The following GANC variants were observed in gnomAD, a reference collection of about 807,000 sequenced individuals.
GANC encodes the protein neutral alpha-glucosidase C.
In GANC, 117 loss-of-function variants were observed where a neutral mutation model predicts 124.2. The observed-to-expected ratio is 0.94, with a 90% CI of 0.81 to 1.10. The LOEUF (loss-of-function observed/expected upper bound fraction) is 1.10. Ranked by LOEUF, GANC falls within the 50% of genes least tolerant of loss-of-function variation. The pLI is 0.00. For missense variants in GANC, 1,140 were observed against 1,095.0 expected, an observed-to-expected ratio of 1.04 and a Z score of -0.58; for synonymous variants, 377 against 376.8, an observed-to-expected ratio of 1.00 and a Z score of -0.01.
intron 6 of GANC, among the ~76,000 whole-genome samples, chr15:42,303,797 A>G (rs2051969468): frequency 6.6e-6 from 1 of 152,232 alleles, no homozygotes; most frequent in South Asian, 2.1e-4. Context: ...TGCAACAAGA[A>G]GAGCTAACTA....
chr15:42,341,989 C>T (rs2052331958), intron 18 of GANC, among the ~76,000 whole-genome samples: 1 of 152,012 alleles, frequency 6.6e-6, no homozygotes, highest in South Asian at 2.1e-4. Flanking sequence ...AAAAATCAGC[C>T]CCTCTTATTA....
chr15:42,283,524 C>T, intron 3 of GANC: 4 of 637,746 alleles, frequency 6.3e-6, no homozygotes, highest in Non-Finnish European at 1.1e-5. Flanking sequence ...GCAAGGATGT[C>T]TGGAGCAATC....
At chr15:42,338,590 C>A (rs2052302587) in intron 16 of GANC, 100 bp downstream of exon 16, 6 of 843,920 alleles carry the variant, frequency 7.1e-6, no homozygotes, top group Non-Finnish European at 7.9e-6. Context: ...CTGTTGTGGG[C>A]AGACATAAAT....
rs950831138 is a variant in GANC at position 42,273,647 on chromosome 15, T to C, written c.-835T>C. The C allele has an allele frequency of 3.4e-5, 19 of 552,072 alleles. No individual in the cohort carries two copies. Among genetic ancestry groups the C allele is most frequent in the African/African-American group, 5.7e-5 (3 of 53,058 alleles). 34.2% of individuals were successfully genotyped at this position (552,072 alleles called of 1,614,324 possible). On this transcript the variant is annotated 5_prime_UTR_variant, in exon 1 of 24. Transcript: ENST00000318010. Reference sequence around the variant, plus strand: ...TTAGAGAGATCGCTACATGCCAGCCTGGCCTGAGTCTTTTCTGTCTCCCAG... The same window carrying C: ...TTAGAGAGATCGCTACATGCCAGCCCGGCCTGAGTCTTTTCTGTCTCCCAG...
chr15:42,349,271 A>G (rs2052398083), intron 21 of GANC, 112 bp from the exon 22 acceptor site: 1 of 700,194 alleles, frequency 1.4e-6, no homozygotes, highest in East Asian at 2.5e-5. Flanking sequence ...TACTTTATAT[A>G]GCTTGAATTT....
chr15:42,279,543 A>G lies in GANC; in HGVS notation c.201+953A>G, dbSNP rs149413844. Among the ~76,000 whole-genome samples the G allele has an allele frequency of 7.9e-5, 12 of 152,316 alleles. No individual in the cohort carries two copies. The East Asian group carries it at 2.3e-3, about 29-fold the overall frequency. ...GCTTTATCTCACCCGTGAAGTTGTC[A>G]TGTTACTTTAGATGGGCCAGTCATA... On this transcript the variant is annotated intron_variant, in intron 3 of 23. Transcript: ENST00000318010.
intron 19 of GANC, among the ~76,000 whole-genome samples, chr15:42,345,234 A>G (rs773408761): frequency 2.0e-5 from 3 of 150,964 alleles, no homozygotes; most frequent in Non-Finnish European, 2.9e-5. Context: ...AAAAGATACT[A>G]TAATAGTAAT....
chr15:42,282,055 G>A (rs915918675), intron 3 of GANC, among the ~76,000 whole-genome samples: 2 of 152,174 alleles, frequency 1.3e-5, no homozygotes, highest in Non-Finnish European at 2.9e-5. Flanking sequence ...GAGTGCGGTG[G>A]CTCACACCTA....
At chr15:42,322,684 C>G (rs2052170551) in intron 11 of GANC, among the ~76,000 whole-genome samples, 3 of 152,140 alleles carry the variant, frequency 2.0e-5, no homozygotes, top group African/African-American at 4.8e-5. Flanking sequence ...CTTTATTACA[C>G]TGTTTTTCCT....
intron 10 of GANC, chr15:42,314,975 G>T (rs1432346500): frequency 1.3e-5 from 2 of 152,174 alleles, no homozygotes; most frequent in African/African-American, 4.8e-5. Context: ...ACACCAAATT[G>T]TTCTCACTTT....
At chr15:42,340,668 A>G in intron 17 of GANC, 22 bp from the exon 18 acceptor site, 1 of 1,563,534 alleles carries the variant, frequency 6.4e-7, no homozygotes, top group East Asian at 2.2e-5. Flanking sequence ...TGTTAAAACA[A>G]TAATTTTTTT....
intron 15 of GANC, 35 bp from the exon 16 acceptor site, chr15:42,338,354 T>G: frequency 6.8e-7 from 1 of 1,475,194 alleles, no homozygotes; most frequent in Non-Finnish European, 9.4e-7. Flanking sequence ...ATGGGTTGAT[T>G]TGTGATTTTA....
At chr15:42,278,423 C>G in intron 2 of GANC, 59 bp from the exon 3 acceptor site, 2 of 1,157,816 alleles carry the variant, frequency 1.7e-6, no homozygotes, top group African/African-American at 3.0e-5. Context: ...ATAATATAGT[C>G]TTTTGGATAC....
chr15:42,309,325 T>A (rs2052028571), intron 8 of GANC, among the ~76,000 whole-genome samples: 1 of 151,510 alleles, frequency 6.6e-6, no homozygotes, highest in Admixed American at 6.6e-5. Context: ...GGACACAATT[T>A]TTTTTTTTTT....
At chr15:42,351,849 A>G (rs754639900) in intron 23 of GANC, among the ~76,000 whole-genome samples, 181 bp from the exon 24 acceptor site, 8 of 152,230 alleles carry the variant, frequency 5.3e-5, no homozygotes, top group Non-Finnish European at 1.2e-4. Flanking sequence ...CTTGCGGTCA[A>G]AACAATGAAG....
At chr15:42,318,579 T>G (rs2052129422) in intron 10 of GANC, among the ~76,000 whole-genome samples, 1 of 152,154 alleles carries the variant, frequency 6.6e-6, no homozygotes, top group Non-Finnish European at 1.5e-5. Flanking sequence ...TAAAATCCCT[T>G]GATGGAGATC....
intron 4 of GANC, among the ~76,000 whole-genome samples, chr15:42,291,050 T>G (rs2051835968): frequency 6.6e-6 from 1 of 151,798 alleles, no homozygotes; most frequent in Admixed American, 6.6e-5. Context: ...CTTCACTGCC[T>G]CCAGACCCAT....
At chr15:42,307,429 C>A (rs914137982) in intron 7 of GANC, among the ~76,000 whole-genome samples, 1 of 150,372 alleles carries the variant, frequency 6.7e-6, no homozygotes, top group Non-Finnish European at 1.5e-5. Context: ...GAACTCCTGG[C>A]CTTGAGTGAT....
chr15:42,280,478 C>T (rs762313864), intron 3 of GANC, among the ~76,000 whole-genome samples: 3 of 152,178 alleles, frequency 2.0e-5, no homozygotes, highest in South Asian at 2.1e-4. Flanking sequence ...GCCTGACACC[C>T]GGCCAGACCC....
Sources: allele counts gnomAD v4.1 joint callset (sites outside exome capture counted in the v4.1 genomes callset), GRCh38; gene constraint gnomAD v4.1.1; transcripts MANE v1.5; gene names NCBI Gene and HGNC (gene_info 2026-07-23, HGNC 2026-07-21).